PLPP1: variants seen among roughly 807,000 people sequenced by gnomAD.
PLPP1 encodes lipid phosphate phosphohydrolase 1a.
A neutral mutation model predicts 31.2 loss-of-function variants in PLPP1; 24 were observed. The ratio of observed to expected loss-of-function variants is 0.77; its 90% confidence interval spans 0.56 to 1.08. The LOEUF is 1.08. Ranked by LOEUF, PLPP1 falls within the 50% of genes least tolerant of loss-of-function variation. The probability of loss-of-function intolerance (pLI) is 0.00; values close to 1 mark genes in which losing one functional copy is unlikely to be tolerated. For synonymous variants in PLPP1, 146 were observed against 126.3 expected (o/e 1.16, Z -1.05); for missense variants, 319 against 342.7 (o/e 0.93, Z 0.55).
intron 1 of PLPP1, among the ~76,000 whole-genome samples, chr5:55,513,268 C>CTTTTTTTTTTTTTTTTT (rs71600887): frequency 1.7e-5 from 2 of 117,552 alleles, no homozygotes; most frequent in Non-Finnish European, 1.8e-5. Context: ...ATAATGACTC[C>CTTTTTTTTTTTTTTTTT]TTTTTTTTTA....
chr5:55,445,729 G>A (rs973327925), intron 3 of PLPP1, among the ~76,000 whole-genome samples: 5 of 151,834 alleles, frequency 3.3e-5, no homozygotes, highest in Admixed American at 3.3e-4. Flanking sequence ...ATTTTTAGTA[G>A]AGACAGGGTT....
Position 55,425,915 on chromosome 5 carries a change from C to T in PLPP1, c.674G>A (p.Trp225Ter), listed in dbSNP as rs553355796. ...AATGAGTCCAGTCAACACATCGCTCCAGTGGTGTTTATAATCAGAAACTCG... is the reference window on the plus strand; with the variant it reads ...AATGAGTCCAGTCAACACATCGCTCTAGTGGTGTTTATAATCAGAAACTCG... ...LSRVSDYKHH[W>*]SDVLTGLIQG... is the part of the protein sequence containing the mutation. The change falls in exon 5 of 6, where the codon TGG (tryptophan) becomes TAG (stop). Residue 225 changes from tryptophan (W) to a stop codon, truncating the protein, a stop_gained. Transcript: ENST00000307259. LOFTEE classifies it high-confidence loss of function. The T allele has an allele frequency of 6.2e-7, 1 of 1,613,776 alleles. No individual in the cohort carries two copies. Among genetic ancestry groups the T allele is most frequent in the Non-Finnish European group, 8.5e-7 (1 of 1,179,918 alleles).
At chr5:55,531,150 T>C (rs973527278) in intron 1 of PLPP1, among the ~76,000 whole-genome samples, 1 of 152,204 alleles carries the variant, frequency 6.6e-6, no homozygotes, top group Non-Finnish European at 1.5e-5. Context: ...GAATCAAATA[T>C]ACATTATCTC....
intron 4 of PLPP1, among the ~76,000 whole-genome samples, chr5:55,432,888 G>A (rs1348054680): frequency 6.6e-6 from 1 of 151,520 alleles, no homozygotes; most frequent in Admixed American, 6.6e-5. Context: ...CACAACTAAC[G>A]CCATCCTAAA....
chr5:55,496,988 A>C lies in PLPP1; in HGVS notation c.59-21538T>G, dbSNP rs117552502. Among the ~76,000 whole-genome samples the C allele has an allele frequency of 1.8e-4, 28 of 152,302 alleles. No homozygotes were observed. The East Asian group carries it at 5.4e-3, about 29-fold the overall frequency. On this transcript the variant is annotated intron_variant, in intron 1 of 5. Coordinates refer to ENST00000307259, the MANE Select transcript of PLPP1 (RefSeq NM_003711.4). ...TGTAGAAGGTAAAGAAAAAGTACTA[A>C]ATTTATTTTGAAAACAATGAAATAA...
Position 55,494,584 on chromosome 5 carries a change from T to C in PLPP1, c.59-19134A>G, listed in dbSNP as rs111235637. Among the ~76,000 whole-genome samples the C allele has an allele frequency of 5.4e-3, 824 of 152,288 alleles. 4 individuals are homozygous for C. Among genetic ancestry groups the C allele is most frequent in the African/African-American group, 0.019 (794 of 41,554 alleles). On this transcript the variant is annotated intron_variant, in intron 1 of 5. Transcript: ENST00000307259. ...TGAACCACTTGCTGTTGCCGAAACA[T>C]ACTGTTTTCAAAACCCTAGGTTTCA...
At position 55,474,064 on chromosome 5, in the gene PLPP1, T is replaced by C. The variant is rs566886576; in HGVS notation, c.210+1235A>G. Among the ~76,000 whole-genome samples, 5 of 150,410 alleles carry C rather than the reference T, an allele frequency of 3.3e-5. No individual in the cohort carries two copies. In the South Asian group the frequency reaches 1.1e-3, roughly 32 times the overall value. ...CAGGCTGGAGTACAGTGGTGCAATC[T>C]CGGCTCACTGCAACCTCTGCCTCCT... On this transcript the variant is annotated intron_variant, in intron 2 of 5. Coordinates refer to ENST00000307259, the MANE Select transcript of PLPP1 (RefSeq NM_003711.4).
At chr5:55,431,490 C>T (rs1184004893) in intron 4 of PLPP1, among the ~76,000 whole-genome samples, 1 of 152,048 alleles carries the variant, frequency 6.6e-6, no homozygotes, top group African/African-American at 2.4e-5. Context: ...GGAAATTGTA[C>T]AAATGCATGA....
At chr5:55,510,245 T>C (rs963844905) in intron 1 of PLPP1, among the ~76,000 whole-genome samples, 4 of 152,234 alleles carry the variant, frequency 2.6e-5, no homozygotes, top group South Asian at 2.1e-4. Context: ...AAACGCATTA[T>C]GCTATGTGAA....
chr5:55,441,939 T>C, intron 3 of PLPP1, 31 bp from the exon 4 acceptor site: 2 of 1,602,794 alleles, frequency 1.2e-6, no homozygotes, highest in Admixed American at 1.7e-5. Flanking sequence ...ATGTTACTTT[T>C]CTCTCTTAGG....
At chr5:55,481,461 G>T (rs1204812520) in intron 1 of PLPP1, among the ~76,000 whole-genome samples, 2 of 152,086 alleles carry the variant, frequency 1.3e-5, no homozygotes, top group African/African-American at 4.8e-5. Context: ...AGAGACCACA[G>T]TAGCAAATCA....
At chr5:55,492,928 G>C (rs1752925482) in intron 1 of PLPP1, among the ~76,000 whole-genome samples, 1 of 152,158 alleles carries the variant, frequency 6.6e-6, no homozygotes, top group Admixed American at 6.5e-5. Context: ...AAGTGATCTG[G>C]CTAGGTTAAC....
chr5:55,513,492 G>A (rs1011278867), intron 1 of PLPP1, among the ~76,000 whole-genome samples: 11 of 151,824 alleles, frequency 7.2e-5, no homozygotes, highest in East Asian at 1.9e-4. Context: ...GGCTGGTCTC[G>A]AACTCCTAAC....
At chr5:55,490,269 G>A (rs752232246) in intron 1 of PLPP1, among the ~76,000 whole-genome samples, 19 of 150,940 alleles carry the variant, frequency 1.3e-4, no homozygotes, top group Non-Finnish European at 2.8e-4. Flanking sequence ...TCCTGCCTCG[G>A]CCTCCCGAGT....
At chr5:55,531,247 C>A (rs1276714889) in intron 1 of PLPP1, among the ~76,000 whole-genome samples, 2 of 152,164 alleles carry the variant, frequency 1.3e-5, no homozygotes, top group African/African-American at 4.8e-5. Context: ...CCTTCTTTTT[C>A]CAAGGATTTA....
intron 1 of PLPP1, among the ~76,000 whole-genome samples, chr5:55,490,578 T>C (rs1013224706): frequency 2.0e-5 from 3 of 152,182 alleles, no homozygotes; most frequent in Admixed American, 6.5e-5. Flanking sequence ...AATTTCCACT[T>C]AACAGTATGA....
intron 4 of PLPP1, among the ~76,000 whole-genome samples, chr5:55,428,502 T>C (rs1237582977): frequency 1.3e-5 from 2 of 152,244 alleles, no homozygotes; most frequent in Non-Finnish European, 2.9e-5. Context: ...CAGCAAAAGT[T>C]TCCTATATGC....
intron 3 of PLPP1, among the ~76,000 whole-genome samples, chr5:55,463,110 C>T (rs895558949): frequency 3.3e-5 from 5 of 152,142 alleles, no homozygotes; most frequent in Admixed American, 1.3e-4. Context: ...CACATGTTCT[C>T]ATTCCTAAGT....
At chr5:55,438,677 G>A (rs544837188) in intron 4 of PLPP1, among the ~76,000 whole-genome samples, 8 of 152,192 alleles carry the variant, frequency 5.3e-5, no homozygotes, top group Non-Finnish European at 1.2e-4. Flanking sequence ...CGAGGCAGGC[G>A]GATCACGAGG....
Sources: gnomAD v4.1 joint callset for allele counts (sites outside exome capture counted in the v4.1 genomes callset) on GRCh38, gnomAD v4.1.1 for gene constraint, MANE v1.5 for transcripts, NCBI Gene and HGNC (gene_info 2026-07-23, HGNC 2026-07-21) for gene names.